The following USP8 variants were observed in gnomAD, a reference collection of about 807,000 sequenced individuals.
USP8 encodes the protein ubiquitin specific peptidase 8.
In USP8, 27 loss-of-function variants were observed where a neutral mutation model predicts 130.0. The ratio of observed to expected loss-of-function variants is 0.21; its 90% confidence interval spans 0.15 to 0.29. The LOEUF is 0.29. USP8 is among the 10% of genes least tolerant of loss of function. The probability of loss-of-function intolerance (pLI) is 1.00; values close to 1 mark genes in which losing one functional copy is unlikely to be tolerated. For missense variants in USP8, 1,029 were observed against 1,312.2 expected (o/e 0.78, Z 3.33); for synonymous variants, 392 against 444.1 (o/e 0.88, Z 1.48).
In USP8 at chr15:50,462,321, A is replaced by G. The variant is rs867161648; in HGVS notation, c.540A>G (p.Lys180=). The G allele has an allele frequency of 6.2e-7, 1 of 1,601,528 alleles. No individual in the cohort carries two copies. Among genetic ancestry groups the G allele is most frequent in the African/African-American group, 1.3e-5 (1 of 74,194 alleles). The change falls in exon 6 of 20, where the codon AAA becomes AAG. Residue 180 remains lysine (K), a splice_region_variant and synonymous_variant. Transcript: ENST00000307179. ...EKNEKCETKE[K]GAITAKELYT... is the part of the protein sequence containing the mutation. ...ATGAAAAATGTGAGACCAAAGAGAA[A>G]GGTAAGTGTGTACAGAAGGAGGAAG...
intron 5 of USP8, among the ~76,000 whole-genome samples, chr15:50,460,188 G>A (rs2050940843): frequency 6.6e-6 from 1 of 150,738 alleles, no homozygotes; most frequent in Admixed American, 6.6e-5. Context: ...AGTAGAGATG[G>A]GGTTTCACCA....
Position 50,510,052 on chromosome 15 carries a change from A to G in USP8, c.*10964A>G, listed in dbSNP as rs2052717258. 6.6e-6 allele frequency: 1 copy of G among 152,130 alleles called. No homozygotes were observed. Among genetic ancestry groups the G allele is most frequent in the Non-Finnish European group, 1.5e-5 (1 of 68,016 alleles). The allele number at this position is 152,130 out of a possible 1,614,324, so 9.4% of individuals were successfully genotyped here. ...TTAAGAATTAATTCAATATTAATTT[A>G]ATAAATTTAATATTTTATAGCTATA... On this transcript the variant is annotated 3_prime_UTR_variant, in exon 20 of 20. Transcript: ENST00000307179.
chr15:50,455,607 G>C (rs374269747), intron 4 of USP8, among the ~76,000 whole-genome samples: 12 of 152,064 alleles, frequency 7.9e-5, no homozygotes, highest in East Asian at 7.7e-4. Flanking sequence ...TAGTAACTTT[G>C]GACATTGTGA....
intron 4 of USP8, among the ~76,000 whole-genome samples, chr15:50,452,457 G>T (rs1316854807): frequency 6.6e-6 from 1 of 152,174 alleles, no homozygotes; most frequent in East Asian, 1.9e-4. Context: ...CAAATCCAAG[G>T]TAGGGGGTAA....
At chr15:50,449,350 C>A in intron 3 of USP8, 50 bp from the exon 4 acceptor site, 1 of 1,225,936 alleles carries the variant, frequency 8.2e-7, no homozygotes, top group Non-Finnish European at 1.1e-6. Context: ...ACTAGTGTCA[C>A]ATGCAATGCC....
chr15:50,442,986 T>C (rs922931782), intron 3 of USP8, among the ~76,000 whole-genome samples: 2 of 152,204 alleles, frequency 1.3e-5, no homozygotes, highest in African/African-American at 4.8e-5. Context: ...ATTGTTTAAA[T>C]TGACTTACTG....
chr15:50,447,182 G>C (rs528647372), intron 3 of USP8, among the ~76,000 whole-genome samples: 22 of 152,234 alleles, frequency 1.4e-4, no homozygotes, highest in Admixed American at 3.3e-4. Flanking sequence ...TTCTTCATAT[G>C]CTCCAGGTTG....
rs1380565082 is a variant in USP8 at position 50,504,999 on chromosome 15, AATAAACT to A, written c.*5917_*5923del. 6.7e-6 allele frequency: 1 copy of A among 149,988 alleles called. No individual in the cohort carries two copies. The highest frequency in any genetic ancestry group is 1.5e-5 in the Non-Finnish European group (1 of 67,216). 9.3% of individuals were successfully genotyped at this position (149,988 alleles called of 1,614,324 possible). A position where few individuals can be genotyped will look rare whatever the true frequency, so the allele number is the denominator to read the frequency against. The stretch of plus-strand genomic sequence containing the variant: ...TCCATCTCAAAAAAAAAAAAAAAAG[AATAAACT>A]ATAAAATGAAGTTGGGGAAATTAGC... On this transcript the variant is annotated 3_prime_UTR_variant, in exon 20 of 20. Transcript: ENST00000307179.
At chr15:50,469,636 T>C (rs1370515727) in intron 7 of USP8, among the ~76,000 whole-genome samples, 1 of 152,160 alleles carries the variant, frequency 6.6e-6, no homozygotes, top group Non-Finnish European at 1.5e-5. Context: ...ATATAGGAAC[T>C]GGATTTCAAA....
In USP8 at chr15:50,513,326, G is replaced by T. The variant is rs1162255423; in HGVS notation, c.*14238G>T. ...ATCAATAGGAAAATGGATAATTTAT[G>T]ATATATTCACACAATATACATCATA... On this transcript the variant is annotated 3_prime_UTR_variant, in exon 20 of 20. Transcript: ENST00000307179. 1 of 152,032 alleles carries T rather than the reference G, an allele frequency of 6.6e-6. No individual in the cohort carries two copies. Among genetic ancestry groups the T allele is most frequent in the Non-Finnish European group, 1.5e-5 (1 of 68,010 alleles). The allele number at this position is 152,032 out of a possible 1,614,324, so 9.4% of individuals were successfully genotyped here. A position where few individuals can be genotyped will look rare whatever the true frequency, so the allele number is the denominator to read the frequency against.
rs2141344131 is a variant in USP8 at position 50,505,674 on chromosome 15, AC to A, written c.*6588del. The A allele has an allele frequency of 6.6e-6, 1 of 152,328 alleles. No individual in the cohort carries two copies. Among genetic ancestry groups the A allele is most frequent in the Non-Finnish European group, 1.5e-5 (1 of 68,056 alleles). 9.4% of individuals were successfully genotyped at this position (152,328 alleles called of 1,614,324 possible). ...TTGGAGGCATATTAAAAAATTAAAA[AC>A]CGGCTGGGCATGGTGGTTCACACCT... On this transcript the variant is annotated 3_prime_UTR_variant, in exon 20 of 20. Transcript: ENST00000307179.
At chr15:50,432,174 G>C (rs558712436) in intron 1 of USP8, among the ~76,000 whole-genome samples, 6 of 152,290 alleles carry the variant, frequency 3.9e-5, no homozygotes, top group Non-Finnish European at 7.3e-5. Flanking sequence ...GGACCATAAA[G>C]GATGGAAGAG....
chr15:50,454,646 G>A (rs866488627), intron 4 of USP8, among the ~76,000 whole-genome samples: 6 of 151,554 alleles, frequency 4.0e-5, no homozygotes, highest in Non-Finnish European at 4.4e-5. Context: ...CTAGAGATAG[G>A]GGTTTACCAT....
intron 1 of USP8, among the ~76,000 whole-genome samples, chr15:50,427,471 A>G (rs1039885774): frequency 1.8e-4 from 28 of 152,160 alleles, no homozygotes; most frequent in African/African-American, 6.8e-4. Flanking sequence ...AAGGCCTGCA[A>G]CAGTTCCATA....
chr15:50,493,935 C>A, intron 15 of USP8, 135 bp from the exon 16 acceptor site: 2 of 1,040,812 alleles, frequency 1.9e-6, no homozygotes, highest in Admixed American at 1.8e-5. Context: ...TGGTGGTGAG[C>A]CTGCAAATAA....
At chr15:50,431,165 CTGTG>C (rs56771450) in intron 1 of USP8, among the ~76,000 whole-genome samples, 1 of 140,984 alleles carries the variant, frequency 7.1e-6, no homozygotes, top group East Asian at 2.1e-4. Context: ...GTGTGTGCCT[CTGTG>C]TGTGTGTGTG....
chr15:50,452,774 A>T (rs184121564), intron 4 of USP8, among the ~76,000 whole-genome samples: 40 of 152,220 alleles, frequency 2.6e-4, no homozygotes, highest in African/African-American at 8.9e-4. Flanking sequence ...CTCATAGTGC[A>T]TTAAGAAAAT....
rs773444419 is a variant in USP8, at chr15:50,500,796, G to C, written c.*1708G>C. 38 of 1,590,570 alleles carry C rather than the reference G, an allele frequency of 2.4e-5. No individual in the cohort carries two copies. In the South Asian group the frequency reaches 4.0e-4, roughly 17 times the overall value. On this transcript the variant is annotated 3_prime_UTR_variant, in exon 20 of 20. Coordinates refer to ENST00000307179, the MANE Select transcript of USP8 (RefSeq NM_005154.5). ...AGGCCTGGGTGACTGAATTCTTGCA[G>C]AAAGCAGTGTAGTGGCCACCATCCA... is the stretch of plus-strand genomic sequence containing the variant.
intron 11 of USP8, 125 bp from the exon 12 acceptor site, chr15:50,484,150 C>T (rs2051870049): frequency 1.6e-5 from 10 of 614,828 alleles, no homozygotes; most frequent in East Asian, 6.9e-5. Flanking sequence ...ATAAAATTTT[C>T]AGAGGCCTTT....
Sources: gnomAD v4.1 joint callset for allele counts (sites outside exome capture counted in the v4.1 genomes callset) on GRCh38, gnomAD v4.1.1 for gene constraint, MANE v1.5 for transcripts, NCBI Gene and HGNC (gene_info 2026-07-23, HGNC 2026-07-21) for gene names.